RUBCN: variants seen among roughly 807,000 people sequenced by gnomAD.
The protein encoded by RUBCN is run domain Beclin-1-interacting and cysteine-rich domain-containing protein.
RUBCN carries 74 observed loss-of-function variants against 113.2 expected under a neutral mutation model. The observed-to-expected ratio is 0.65, with a 90% CI of 0.54 to 0.79. The LOEUF is 0.79. Ranked by LOEUF, RUBCN falls within the 30% of genes least tolerant of loss-of-function variation. RUBCN has a pLI of 0.00. For synonymous variants in RUBCN, 480 were observed against 490.0 expected (o/e 0.98, Z 0.27); for missense variants, 1,109 against 1,251.7 (o/e 0.89, Z 1.72).
intron 1 of RUBCN, among the ~76,000 whole-genome samples, chr3:197,742,331 A>T (rs1205087402): frequency 6.6e-6 from 1 of 151,984 alleles, no homozygotes; most frequent in Non-Finnish European, 1.5e-5. Context: ...CATCTCTACT[A>T]AAAATACAAA....
chr3:197,726,593 G>A (rs1726784229), intron 1 of RUBCN, among the ~76,000 whole-genome samples: 1 of 151,586 alleles, frequency 6.6e-6, no homozygotes, highest in Non-Finnish European at 1.5e-5. Flanking sequence ...AGGCTGGAGG[G>A]CAGTGGTGCG....
intron 2 of RUBCN, among the ~76,000 whole-genome samples, chr3:197,716,969 A>G (rs1327411288): frequency 6.6e-6 from 1 of 152,088 alleles, no homozygotes; most frequent in Non-Finnish European, 1.5e-5. Context: ...AAAAACACAA[A>G]AATTAGCCAG....
chr3:197,739,526 T>C (rs979632145), upstream of RUBCN, among the ~76,000 whole-genome samples: 2 of 146,932 alleles, frequency 1.4e-5, no homozygotes, highest in Non-Finnish European at 3.0e-5. Context: ...ACCCCGTCTC[T>C]ACTAAAAATA....
intron 5 of RUBCN, among the ~76,000 whole-genome samples, chr3:197,703,120 C>T (rs1225998850): frequency 6.6e-6 from 1 of 151,850 alleles, no homozygotes; most frequent in Non-Finnish European, 1.5e-5. Flanking sequence ...GAAAGCTGGC[C>T]GGGCGCGGTG....
chr3:197,739,481 C>T (rs1728422415), upstream of RUBCN, among the ~76,000 whole-genome samples: 1 of 149,378 alleles, frequency 6.7e-6, no homozygotes, highest in Non-Finnish European at 1.5e-5. Flanking sequence ...ATCACGAGGT[C>T]AGGAGATGGA....
In RUBCN at chr3:197,668,973, C is replaced by G. The variant is rs1719565646; in HGVS notation, c.*6045G>C. ...ATGCCACCATTCTAACAGAACCACA[C>G]TAATTTTTACGTATGTTTTCCTTAT... On this transcript the variant is annotated 3_prime_UTR_variant, in exon 20 of 20. Coordinates refer to ENST00000296343, the MANE Select transcript of RUBCN (RefSeq NM_014687.4). 6.6e-6 allele frequency among the ~76,000 whole-genome samples: 1 copy of G among 152,068 alleles called. No individual in the cohort carries two copies. The highest frequency in any genetic ancestry group is 2.4e-5 in the African/African-American group (1 of 41,322).
At chr3:197,697,180 C>A in intron 7 of RUBCN, 131 bp from the exon 8 acceptor site, 1 of 673,330 alleles carries the variant, frequency 1.5e-6, no homozygotes, top group Non-Finnish European at 2.8e-6. Context: ...AGGCGGCACA[C>A]CAACGGAACA....
In RUBCN at chr3:197,681,421, G is replaced by C; in HGVS notation, c.2192-54C>G. 7.2e-7 allele frequency: 1 copy of C among 1,382,614 alleles called. No homozygotes were observed. The highest frequency in any genetic ancestry group is 1.2e-5 in the South Asian group (1 of 86,268). 85.6% of individuals were successfully genotyped at this position (1,382,614 alleles called of 1,614,324 possible). On this transcript the variant is annotated intron_variant, in intron 15 of 19. Coordinates refer to ENST00000296343, the MANE Select transcript of RUBCN (RefSeq NM_014687.4). This position sits in a 1 kb window ranked among gnomAD's most constrained non-coding sequence, Gnocchi z 5.5. The stretch of plus-strand genomic sequence containing the variant: ...GATGTAACTTTCCCATCTACAAGCT[G>C]GGAAGGCAGCTCTGCTTTTCCCTTG...
In RUBCN at chr3:197,712,473, G is replaced by A. The variant is rs991963219; in HGVS notation, c.219+5504C>T. ...ACACCCAGAATAGCTCGGTGATGAC[G>A]CAGCAGCCTGAAACCTTTGAAAGCC... On this transcript the variant is annotated intron_variant, in intron 2 of 19. Transcript: ENST00000296343. Among the ~76,000 whole-genome samples, 6 of 152,174 alleles carry A rather than the reference G, an allele frequency of 3.9e-5. No homozygotes were observed. The South Asian group carries it at 8.3e-4, about 21-fold the overall frequency.
rs1289279081 is a variant in RUBCN, at chr3:197,731,789, GGGC to G, written c.65+4863_65+4865del. 5.3e-5 allele frequency among the ~76,000 whole-genome samples: 8 copies of G among 151,838 alleles called. No homozygotes were observed. In the East Asian group the frequency reaches 1.4e-3, roughly 26 times the overall value. The stretch of plus-strand genomic sequence containing the variant: ...TCCCTCCCGGATGGGGCGGCTGGCC[GGGC>G]GGGGGGCTGACCCCCCCACCTCCCT... On this transcript the variant is annotated intron_variant, in intron 1 of 19. Transcript: ENST00000296343.
At chr3:197,690,507 T>C (rs1436452082) in intron 11 of RUBCN, among the ~76,000 whole-genome samples, 1 of 152,230 alleles carries the variant, frequency 6.6e-6, no homozygotes, top group African/African-American at 2.4e-5. Context: ...AGTAGAAAAC[T>C]GCTACTTTCT....
intron 2 of RUBCN, among the ~76,000 whole-genome samples, chr3:197,716,933 C>T (rs949273334): frequency 2.0e-5 from 3 of 151,864 alleles, no homozygotes; most frequent in African/African-American, 7.3e-5. Context: ...CCAGCCTGGG[C>T]AACATGGTGA....
chr3:197,699,476 T>C (rs374969600), intron 7 of RUBCN, among the ~76,000 whole-genome samples: 6 of 152,102 alleles, frequency 3.9e-5, no homozygotes, highest in Non-Finnish European at 8.8e-5. Context: ...GGAATCCATA[T>C]GGATTCAAGA....
In RUBCN at chr3:197,672,362, G is replaced by A. The variant is rs1719874548; in HGVS notation, c.*2656C>T. 3 of 152,214 alleles carry A rather than the reference G, an allele frequency of 2.0e-5. No individual in the cohort carries two copies. The South Asian group carries it at 6.2e-4, about 32-fold the overall frequency. 9.4% of individuals were successfully genotyped at this position (152,214 alleles called of 1,614,324 possible). A position where few individuals can be genotyped will look rare whatever the true frequency, so the allele number is the denominator to read the frequency against. The stretch of plus-strand genomic sequence containing the variant: ...CAAAGCTTCTCCCCGCAACAGCAGG[G>A]GATTTTCAGATAGTGGTAACTTGCA... On this transcript the variant is annotated 3_prime_UTR_variant, in exon 20 of 20. Transcript: ENST00000296343.
chr3:197,687,269 G>A (rs923097267), intron 11 of RUBCN, among the ~76,000 whole-genome samples: 3 of 152,114 alleles, frequency 2.0e-5, no homozygotes, highest in Non-Finnish European at 4.4e-5. Flanking sequence ...GTTTTATAAA[G>A]AGGAAAAAAA....
chr3:197,688,213 G>C (rs1286948717), intron 11 of RUBCN, among the ~76,000 whole-genome samples: 1 of 152,180 alleles, frequency 6.6e-6, no homozygotes, highest in Non-Finnish European at 1.5e-5. Flanking sequence ...TTTTAGCAGA[G>C]ACAGGGTTTC....
At chr3:197,733,043 G>A (rs1727702923) in intron 1 of RUBCN, among the ~76,000 whole-genome samples, 1 of 152,222 alleles carries the variant, frequency 6.6e-6, no homozygotes, top group Non-Finnish European at 1.5e-5. Context: ...GTTACGTAAA[G>A]TAACTTGATC....
chr3:197,745,885 A>G (rs1412849056), intron 1 of RUBCN, among the ~76,000 whole-genome samples: 1 of 152,072 alleles, frequency 6.6e-6, no homozygotes, highest in Non-Finnish European at 1.5e-5. Flanking sequence ...AAAAATACAA[A>G]AATTAGCTGG....
intron 7 of RUBCN, chr3:197,699,046 A>G: frequency 1.4e-6 from 1 of 696,852 alleles, no homozygotes; most frequent in South Asian, 1.5e-5. Flanking sequence ...AAATACTGGT[A>G]TCATTTTATA....
Sources: allele counts gnomAD v4.1 joint callset (sites outside exome capture counted in the v4.1 genomes callset), GRCh38; gene constraint gnomAD v4.1.1; non-coding constraint Gnocchi (gnomAD v3.1); transcripts MANE v1.5; gene names NCBI Gene and HGNC (gene_info 2026-07-23, HGNC 2026-07-21).